GALNT13: variants seen among roughly 807,000 people sequenced by gnomAD.
The protein encoded by GALNT13 is UDP-GalNAc:polypeptide N-acetylgalactosaminyltransferase 13.
In GALNT13, 28 loss-of-function variants were observed where a neutral mutation model predicts 64.2. The ratio of observed to expected loss-of-function variants is 0.44; its 90% CI spans 0.32 to 0.60. GALNT13 has a LOEUF of 0.60. Among genes scored for constraint, GALNT13 ranks in the 20% least tolerant of loss-of-function variants. The pLI is 0.05. For synonymous variants in GALNT13, 214 were observed against 224.6 expected, an observed-to-expected ratio of 0.95 and a Z score of 0.42; for missense variants, 577 against 669.8, an observed-to-expected ratio of 0.86 and a Z score of 1.53.
rs1308999235 is a variant in GALNT13 at position 154,242,939 on chromosome 2, T to A, written c.686+34T>A. On this transcript the variant is annotated intron_variant, in intron 6 of 12. Coordinates refer to ENST00000392825, the MANE Select transcript of GALNT13 (RefSeq NM_052917.4). ...TTATGTGTTCTGTCTGCCTGGGTTA[T>A]GACTGAACCTCTTAGGACAGTTCCA... The A allele has an allele frequency of 3.9e-6, 6 of 1,540,562 alleles. No individual in the cohort carries two copies. The South Asian group carries it at 5.6e-5, about 14-fold the overall frequency.
rs368552399 is a variant in GALNT13 at position 153,872,170 on chromosome 2, G to A, written c.-310G>A. 2 of 151,088 alleles carry A rather than the reference G, an allele frequency of 1.3e-5. No individual in the cohort carries two copies. The highest frequency in any genetic ancestry group is 6.6e-5 in the Admixed American group (1 of 15,156). The allele number at this position is 151,088 out of a possible 1,614,324, so 9.4% of individuals were successfully genotyped here. ...GCGCGGCGCTCGCGGGCCGGCGCGG[G>A]TTCCAGGTGAGCGCGGACTCGGCGA... is the stretch of plus-strand genomic sequence containing the variant. On this transcript the variant is annotated 5_prime_UTR_variant, in exon 1 of 13. Transcript: ENST00000392825.
chr2:153,538,655 T>C, the GALNT13 span, among the ~76,000 whole-genome samples: 12 of 48,424 alleles, frequency 2.5e-4, no homozygotes, highest in Non-Finnish European at 4.0e-4. Flanking sequence ...GGTTTTTTGT[T>C]CTTGCGATAG....
intron 9 of GALNT13, among the ~76,000 whole-genome samples, chr2:154,363,726 T>A (rs1305377213): frequency 6.6e-6 from 1 of 152,310 alleles, no homozygotes; most frequent in East Asian, 1.9e-4. Context: ...TAAATAGAAG[T>A]GTTGAATTGA....
chr2:153,949,340 T>C (rs1355416613), intron 3 of GALNT13, among the ~76,000 whole-genome samples: 1 of 151,944 alleles, frequency 6.6e-6, no homozygotes, highest in East Asian at 1.9e-4. Context: ...ATAATTGATA[T>C]TAGGATCAGG....
the GALNT13 span, among the ~76,000 whole-genome samples, chr2:153,112,428 T>A: frequency 2.0e-5 from 3 of 151,240 alleles, no homozygotes; most frequent in Non-Finnish European, 2.9e-5. Flanking sequence ...CCCACTGATA[T>A]AAGCCACATC....
the GALNT13 span, among the ~76,000 whole-genome samples, chr2:153,356,308 A>G: frequency 6.6e-6 from 1 of 152,234 alleles, no homozygotes; most frequent in African/African-American, 2.4e-5. Context: ...TGACATTGTT[A>G]AAGGTCAGAA....
chr2:154,152,521 A>G (rs952005863), intron 4 of GALNT13, among the ~76,000 whole-genome samples: 1 of 152,114 alleles, frequency 6.6e-6, no homozygotes, highest in Non-Finnish European at 1.5e-5. Flanking sequence ...TATCCTGCAG[A>G]GTGTTTTCCA....
At chr2:153,402,394 C>T in the GALNT13 span, among the ~76,000 whole-genome samples, 82 of 150,840 alleles carry the variant, frequency 5.4e-4, no homozygotes, top group African/African-American at 1.9e-3. Flanking sequence ...GTGAATCTGA[C>T]AATTATGTGT....
At chr2:153,542,671 G>C in the GALNT13 span, among the ~76,000 whole-genome samples, 2 of 152,124 alleles carry the variant, frequency 1.3e-5, no homozygotes, top group Non-Finnish European at 1.5e-5. Flanking sequence ...ATGAAGGATG[G>C]GGGATTCTGG....
At chr2:153,332,832 A>G in the GALNT13 span, among the ~76,000 whole-genome samples, 2 of 152,142 alleles carry the variant, frequency 1.3e-5, no homozygotes, top group Non-Finnish European at 2.9e-5. Context: ...GGGTGAAGCA[A>G]AGACAGCCCC....
rs796275931 is a variant in GALNT13, at chr2:153,967,521, G to T, written c.142+22882G>T. ...AATACACAGTCTTGGTGGATTTGGG[G>T]AAGACAGAGTATTCCCTGTGTTCCT... On this transcript the variant is annotated intron_variant, in intron 3 of 12. Transcript: ENST00000392825. Among the ~76,000 whole-genome samples the T allele has an allele frequency of 9.2e-5, 14 of 152,246 alleles. 1 individual carries two copies. Among genetic ancestry groups the T allele is most frequent in the African/African-American group, 3.4e-4 (14 of 41,566 alleles).
intron 10 of GALNT13, among the ~76,000 whole-genome samples, chr2:154,406,890 C>T (rs561493507): frequency 6.6e-6 from 1 of 152,126 alleles, no homozygotes; most frequent in African/African-American, 2.4e-5. Flanking sequence ...AATGAATTCA[C>T]AAGAGGTGTT....
chr2:153,790,418 C>A, the GALNT13 span, among the ~76,000 whole-genome samples: 3 of 150,604 alleles, frequency 2.0e-5, no homozygotes, highest in East Asian at 3.9e-4. Context: ...TGTTAAAAAA[C>A]TGTCAATAAA....
chr2:153,518,507 A>T, the GALNT13 span, among the ~76,000 whole-genome samples: 1 of 152,204 alleles, frequency 6.6e-6, no homozygotes, highest in African/African-American at 2.4e-5. Context: ...GTCACAAGAC[A>T]TGGGCTTGAA....
intron 3 of GALNT13, among the ~76,000 whole-genome samples, chr2:153,976,196 T>G (rs1187796219): frequency 1.3e-5 from 2 of 152,174 alleles, no homozygotes; most frequent in Non-Finnish European, 2.9e-5. Flanking sequence ...TATATCTTAT[T>G]AGCCATTTTA....
the GALNT13 span, among the ~76,000 whole-genome samples, chr2:153,339,595 T>C: frequency 2.7e-4 from 41 of 152,354 alleles, no homozygotes; most frequent in African/African-American, 9.9e-4. Flanking sequence ...TTTTCATTGC[T>C]GTATAGAGGT....
chr2:154,389,587 T>C (rs1371310670), intron 9 of GALNT13, among the ~76,000 whole-genome samples: 1 of 152,202 alleles, frequency 6.6e-6, no homozygotes, highest in East Asian at 1.9e-4. Flanking sequence ...TTAGACTTAC[T>C]AGACATCTAT....
the GALNT13 span, among the ~76,000 whole-genome samples, chr2:153,533,660 C>A: frequency 7.0e-6 from 1 of 143,730 alleles, no homozygotes; most frequent in Admixed American, 7.4e-5. Context: ...TTCTGCTATT[C>A]CCCTTCACGT....
At chr2:154,456,269 A>T (rs890015083), downstream of GALNT13, among the ~76,000 whole-genome samples, 3 of 151,646 alleles carry the variant, frequency 2.0e-5, no homozygotes, top group Non-Finnish European at 4.4e-5. Context: ...TTTTAGATAT[A>T]TGCTTGGCAC....
Sources: gnomAD v4.1 joint callset for allele counts (sites outside exome capture counted in the v4.1 genomes callset) on GRCh38, gnomAD v4.1.1 for gene constraint, MANE v1.5 for transcripts, NCBI Gene and HGNC (gene_info 2026-07-23, HGNC 2026-07-21) for gene names.